ITPKB: variants seen among roughly 807,000 people sequenced by gnomAD.
ITPKB encodes IP3 3-kinase B.
In ITPKB, 13 loss-of-function variants were observed where a neutral mutation model predicts 69.4. The ratio of observed to expected loss-of-function variants is 0.19; its 90% CI spans 0.12 to 0.30. ITPKB has a LOEUF of 0.30. Among genes scored for constraint, ITPKB ranks in the 10% least tolerant of loss-of-function variants. The pLI, the probability that ITPKB is intolerant of heterozygous loss-of-function variation, is 1.00. For missense variants in ITPKB, 1,240 were observed against 1,250.5 expected (o/e 0.99, Z 0.13); for synonymous variants, 584 against 513.7 (o/e 1.14, Z -1.85).
intron 2 of ITPKB, among the ~76,000 whole-genome samples, chr1:226,683,899 G>T (rs962015776): frequency 6.6e-6 from 1 of 151,948 alleles, no homozygotes; most frequent in Admixed American, 6.5e-5. Flanking sequence ...GTACCACAAG[G>T]TACCTTCATT....
intron 2 of ITPKB, chr1:226,676,022 T>C (rs1195264107): frequency 6.6e-6 from 1 of 152,256 alleles, no homozygotes; most frequent in Non-Finnish European, 1.5e-5. Flanking sequence ...CTGGGCTCTG[T>C]GCTCCCACAT....
chr1:226,710,198 CAGAAGAACAGAAAGGGGGAAACAAAT>C (rs1426970730), intron 2 of ITPKB, among the ~76,000 whole-genome samples: 1 of 152,130 alleles, frequency 6.6e-6, no homozygotes, highest in Non-Finnish European at 1.5e-5. Flanking sequence ...TAATGTCCCT[CAGAAGAACAGAAAGGGGGAAACAAAT>C]GGAAGCACCT....
chr1:226,712,273 C>T (rs753305010), intron 2 of ITPKB, among the ~76,000 whole-genome samples: 1 of 152,174 alleles, frequency 6.6e-6, no homozygotes, highest in African/African-American at 2.4e-5. Context: ...CAGCCCAGAC[C>T]CCCTTCCTGG....
At chr1:226,658,543 A>C (rs1490093180) in intron 2 of ITPKB, among the ~76,000 whole-genome samples, 1 of 152,054 alleles carries the variant, frequency 6.6e-6, no homozygotes, top group East Asian at 1.9e-4. Flanking sequence ...GTCTGGATGT[A>C]AGACTAACTG....
At position 226,701,792 on chromosome 1, in the gene ITPKB, G is replaced by A. The variant is rs564333009; in HGVS notation, c.1932+33735C>T. ...CCTGAAATGAGTACACACACTTCAG[G>A]GGCGCTCACTAACCCACCCAGTTGT... is the stretch of plus-strand genomic sequence containing the variant. On this transcript the variant is annotated intron_variant, in intron 2 of 7. Coordinates refer to ENST00000429204, the MANE Select transcript of ITPKB (RefSeq NM_002221.4). 2.0e-5 allele frequency among the ~76,000 whole-genome samples: 3 copies of A among 152,060 alleles called. No homozygotes were observed. The South Asian group carries it at 6.2e-4, about 32-fold the overall frequency.
At chr1:226,655,856 T>C (rs764215101) in intron 2 of ITPKB, among the ~76,000 whole-genome samples, 10 of 152,218 alleles carry the variant, frequency 6.6e-5, no homozygotes, top group African/African-American at 2.4e-4. Flanking sequence ...CAGACACTTG[T>C]ATGTCGTGAG....
At position 226,735,728 on chromosome 1, in the gene ITPKB, C is replaced by A; in HGVS notation, c.1731G>T (p.Gln577His). 6.3e-7 allele frequency: 1 copy of A among 1,587,334 alleles called. No homozygotes were observed. Among genetic ancestry groups the A allele is most frequent in the Admixed American group, 1.7e-5 (1 of 57,456 alleles). The change falls in exon 2 of 8, where the codon CAG becomes CAT. Residue 577 changes from glutamine (Q) to histidine (H), a missense_variant. Around this residue, in one of 2 missense-constraint regions of ITPKB, gnomAD observed 992 missense variants for 853.8 expected, o/e 1.16. Transcript: ENST00000429204. ...PAVIITDMGT[Q>H]EDGALEETQG... ...GCGTCTCCTCCAAGGCCCCATCCTC[C>A]TGGGTGCCCATGTCTGTAATGATGA...
At chr1:226,734,346 T>C (rs1571881873) in intron 2 of ITPKB, among the ~76,000 whole-genome samples, 2 of 152,214 alleles carry the variant, frequency 1.3e-5, no homozygotes, top group East Asian at 3.8e-4. Flanking sequence ...GAATAGGGAA[T>C]CAGAGAGGAG....
chr1:226,736,035 A>G lies in ITPKB; in HGVS notation c.1424T>C (p.Met475Thr). The G allele has an allele frequency of 6.2e-7, 1 of 1,613,634 alleles. No individual in the cohort carries two copies. Among genetic ancestry groups the G allele is most frequent in the Non-Finnish European group, 8.5e-7 (1 of 1,179,990 alleles). ...GTCCCAACAGGGCAAAGGCTCCAGC[A>G]TTCTGCCAGAAGGAATTCCCGCCTC... Reference protein sequence around the residue: ...NVEAGIPSGRMLEPLPCWDAA... With the variant: ...NVEAGIPSGRTLEPLPCWDAA... The change falls in exon 2 of 8, where the codon ATG (methionine) becomes ACG (threonine). Residue 475 changes from methionine (M) to threonine (T), a missense_variant. Physicochemically the swap from Met to Thr is moderately conservative, Grantham distance 81. Around this residue, in one of 2 missense-constraint regions of ITPKB, gnomAD observed 992 missense variants for 853.8 expected, o/e 1.16. Coordinates refer to ENST00000429204, the MANE Select transcript of ITPKB (RefSeq NM_002221.4).
intron 2 of ITPKB, among the ~76,000 whole-genome samples, chr1:226,729,234 A>C (rs1657514388): frequency 6.6e-6 from 1 of 152,108 alleles, no homozygotes; most frequent in African/African-American, 2.4e-5. Context: ...CTGTAATCCC[A>C]GCACTTTGGG....
At chr1:226,684,663 T>A (rs3768389) in intron 2 of ITPKB, among the ~76,000 whole-genome samples, 2,263 of 152,266 alleles carry the variant, frequency 0.015, 110 homozygotes, top group Admixed American at 0.081. Context: ...ATGCAGATGA[T>A]TGCATGCAAA....
chr1:226,643,812 C>A (rs1161520942), intron 4 of ITPKB, among the ~76,000 whole-genome samples: 1 of 150,482 alleles, frequency 6.6e-6, no homozygotes, highest in Non-Finnish European at 1.5e-5. Context: ...CGCACATACA[C>A]ACACATGTGC....
At chr1:226,667,826 A>ATGTGTGTGTGTGTGTGTGTGTG (rs3841844) in intron 2 of ITPKB, among the ~76,000 whole-genome samples, 1 of 148,386 alleles carries the variant, frequency 6.7e-6, no homozygotes, top group Non-Finnish European at 1.5e-5. Flanking sequence ...GATGAGGAAA[A>ATGTGTGTGTGTGTGTGTGTGTG]TGTGTGTGTG....
intron 2 of ITPKB, among the ~76,000 whole-genome samples, chr1:226,685,706 T>C (rs1436782731): frequency 2.0e-5 from 3 of 152,368 alleles, no homozygotes; most frequent in East Asian, 1.9e-4. Flanking sequence ...CACCAGGGCT[T>C]GCTGGGCTGG....
intron 2 of ITPKB, among the ~76,000 whole-genome samples, chr1:226,700,506 T>C (rs960823900): frequency 1.4e-5 from 2 of 146,290 alleles, no homozygotes; most frequent in African/African-American, 5.0e-5. Context: ...ACCCAGAACT[T>C]TGCAACCTTA....
At chr1:226,698,799 A>G (rs1656562359) in intron 2 of ITPKB, among the ~76,000 whole-genome samples, 1 of 152,206 alleles carries the variant, frequency 6.6e-6, no homozygotes, top group Non-Finnish European at 1.5e-5. Context: ...CTGCATAGTC[A>G]CAGATCTGCT....
In ITPKB at chr1:226,642,499, G is replaced by A. The variant is rs529032551; in HGVS notation, c.2247-374C>T. The stretch of plus-strand genomic sequence containing the variant: ...TGGCTCTTGATCCAGGAGAAAAGGT[G>A]CAGCCTCACTGAATCGGACTGCCTT... On this transcript the variant is annotated intron_variant, in intron 4 of 7. Coordinates refer to ENST00000429204, the MANE Select transcript of ITPKB (RefSeq NM_002221.4). This position sits in a 1 kb window ranked among gnomAD's most constrained non-coding sequence, Gnocchi z 6.4. Among the ~76,000 whole-genome samples the A allele has an allele frequency of 3.9e-5, 6 of 152,182 alleles. No individual in the cohort carries two copies. In the East Asian group the frequency reaches 1.2e-3, roughly 29 times the overall value.
At chr1:226,726,441 C>T (rs1162201189) in intron 2 of ITPKB, among the ~76,000 whole-genome samples, 1 of 152,196 alleles carries the variant, frequency 6.6e-6, no homozygotes, top group Middle Eastern at 3.4e-3. Context: ...GATTGGGAGG[C>T]CAAGGTGGAA....
At chr1:226,703,569 AG>A (rs1656728140) in intron 2 of ITPKB, among the ~76,000 whole-genome samples, 2 of 152,020 alleles carry the variant, frequency 1.3e-5, no homozygotes. Context: ...GCGGCCGGGG[AG>A]GGGGCGCCGT....
Sources: gnomAD v4.1 joint callset for allele counts (sites outside exome capture counted in the v4.1 genomes callset) on GRCh38, gnomAD v4.1.1 for gene constraint, gnomAD v4.1.1 regional missense constraint, Gnocchi (gnomAD v3.1) non-coding constraint, MANE v1.5 for transcripts, NCBI Gene and HGNC (gene_info 2026-07-23, HGNC 2026-07-21) for gene names.